The following MRTFA variants were observed in gnomAD, a reference collection of about 807,000 sequenced individuals.
The protein encoded by MRTFA is myocardin-related transcription factor A.
In MRTFA, 20 loss-of-function variants were observed where a neutral mutation model predicts 83.5. The observed-to-expected ratio is 0.24, with a 90% CI of 0.17 to 0.35. The LOEUF (loss-of-function observed/expected upper bound fraction) is 0.35, where lower values mean the gene tolerates loss of function less well. Among genes scored for constraint, MRTFA ranks in the 10% least tolerant of loss-of-function variants. The pLI, the probability that MRTFA is intolerant of heterozygous loss-of-function variation, is 1.00. For synonymous variants in MRTFA, 659 were observed against 541.2 expected, an observed-to-expected ratio of 1.22 and a Z score of -3.02; for missense variants, 1,200 against 1,224.7, an observed-to-expected ratio of 0.98 and a Z score of 0.30.
At chr22:40,587,734 C>A in intron 2 of MRTFA, 1 of 330,266 alleles carries the variant, frequency 3.0e-6, no homozygotes, top group East Asian at 7.9e-5. Flanking sequence ...CAAAAGCACC[C>A]TGGCCAAAAG....
chr22:40,590,024 A>G lies in MRTFA; in HGVS notation c.-22+4650T>C, dbSNP rs1224789050. ...GAGACAGAGCGAGACTCCGTCTCGA[A>G]AAAAAAAAAAAAAAACTTCACATTA... On this transcript the variant is annotated intron_variant, in intron 2 of 14. Transcript: ENST00000355630. Among the ~76,000 whole-genome samples the G allele has an allele frequency of 2.0e-5, 3 of 149,776 alleles. No individual in the cohort carries two copies. In the South Asian group the frequency reaches 6.3e-4, roughly 31 times the overall value.
At chr22:40,579,860 CAA>C (rs199724138) in intron 2 of MRTFA, among the ~76,000 whole-genome samples, 17 of 115,442 alleles carry the variant, frequency 1.5e-4, no homozygotes, top group Admixed American at 2.8e-4. Flanking sequence ...AACTCCATCT[CAA>C]AAAAAAAAAA....
At chr22:40,473,379 G>A (rs1056720455) in intron 3 of MRTFA, among the ~76,000 whole-genome samples, 12 of 152,022 alleles carry the variant, frequency 7.9e-5, no homozygotes, top group African/African-American at 2.9e-4. Context: ...GACTGGTATC[G>A]AACTCCTGGG....
At chr22:40,510,143 T>C (rs2054644250) in intron 3 of MRTFA, among the ~76,000 whole-genome samples, 1 of 152,198 alleles carries the variant, frequency 6.6e-6, no homozygotes, top group African/African-American at 2.4e-5. Flanking sequence ...AGATAGTCTC[T>C]GGAGTACCAA....
intron 1 of MRTFA, among the ~76,000 whole-genome samples, chr22:40,604,898 G>C (rs1362315347): frequency 6.6e-6 from 1 of 152,136 alleles, no homozygotes; most frequent in East Asian, 1.9e-4. Context: ...TGTTGTTGTC[G>C]TTGAATGAAT....
chr22:40,463,990 T>C (rs1359988332), intron 3 of MRTFA, among the ~76,000 whole-genome samples: 1 of 150,420 alleles, frequency 6.6e-6, no homozygotes, highest in Non-Finnish European at 1.5e-5. Flanking sequence ...TTAATAGGGA[T>C]TTTTTTTAAG....
intron 3 of MRTFA, among the ~76,000 whole-genome samples, chr22:40,488,054 AAT>A (rs1323957988): frequency 6.6e-6 from 1 of 152,238 alleles, no homozygotes; most frequent in African/African-American, 2.4e-5. Flanking sequence ...TATAATAGAG[AAT>A]ATGAGAAATG....
intron 1 of MRTFA, among the ~76,000 whole-genome samples, chr22:40,630,611 G>C (rs1246397792): frequency 2.0e-5 from 3 of 152,168 alleles, no homozygotes; most frequent in East Asian, 1.9e-4. Flanking sequence ...CCTCTAAAGA[G>C]TTTATCTAAA....
At chr22:40,545,033 G>GTGTA (rs200787343) in intron 3 of MRTFA, among the ~76,000 whole-genome samples, 2 of 150,876 alleles carry the variant, frequency 1.3e-5, no homozygotes, top group Non-Finnish European at 2.9e-5. Context: ...AAAATCATTG[G>GTGTA]TATATATATA....
chr22:40,461,856 C>T (rs753872017), intron 4 of MRTFA, among the ~76,000 whole-genome samples: 9 of 152,112 alleles, frequency 5.9e-5, no homozygotes, highest in African/African-American at 9.7e-5. Context: ...GTGATAATGC[C>T]CTGGCTCTAG....
At chr22:40,502,095 G>C (rs1489958113) in intron 3 of MRTFA, among the ~76,000 whole-genome samples, 1 of 140,640 alleles carries the variant, frequency 7.1e-6, no homozygotes, top group African/African-American at 2.7e-5. Context: ...TCACTTCCCA[G>C]TAGGGGCGGC....
At chr22:40,600,835 G>A (rs1003329743) in intron 1 of MRTFA, among the ~76,000 whole-genome samples, 6 of 152,100 alleles carry the variant, frequency 3.9e-5, no homozygotes, top group African/African-American at 9.7e-5. Flanking sequence ...AAAATTAGCC[G>A]GCCGTGGTGG....
At chr22:40,542,871 G>A (rs1235891270) in intron 3 of MRTFA, among the ~76,000 whole-genome samples, 1 of 152,206 alleles carries the variant, frequency 6.6e-6, no homozygotes, top group Non-Finnish European at 1.5e-5. Context: ...AAGAACACTA[G>A]AGGGATATAA....
rs564095108 is a variant in MRTFA, at chr22:40,491,114, G to A, written c.242-27828C>T. Among the ~76,000 whole-genome samples, 11 of 152,304 alleles carry A rather than the reference G, an allele frequency of 7.2e-5. No homozygotes were observed. In the South Asian group the frequency reaches 2.1e-3, roughly 29 times the overall value. The stretch of plus-strand genomic sequence containing the variant: ...TCCCAGCACTTTGGGAGGATGAGGC[G>A]GGAGGATCGCTTAAGGCTGGGGTTC... On this transcript the variant is annotated intron_variant, in intron 3 of 14. Coordinates refer to ENST00000355630, the MANE Select transcript of MRTFA (RefSeq NM_020831.6).
intron 3 of MRTFA, among the ~76,000 whole-genome samples, chr22:40,497,968 T>G (rs1182954813): frequency 6.6e-6 from 1 of 151,552 alleles, no homozygotes; most frequent in Non-Finnish European, 1.5e-5. Flanking sequence ...ACTCAGTCTC[T>G]ACAAAAAAAT....
At chr22:40,608,063 C>T (rs558783422) in intron 1 of MRTFA, among the ~76,000 whole-genome samples, 8 of 152,270 alleles carry the variant, frequency 5.3e-5, no homozygotes, top group Non-Finnish European at 1.2e-4. Context: ...CTCACTCTGT[C>T]GCCCAGGCTG....
chr22:40,481,810 C>A (rs1035061492), intron 3 of MRTFA, among the ~76,000 whole-genome samples: 1 of 152,032 alleles, frequency 6.6e-6, no homozygotes, highest in Non-Finnish European at 1.5e-5. Flanking sequence ...CCTGTAATCC[C>A]AGCACTTTGG....
At chr22:40,482,785 T>C (rs2054112357) in intron 3 of MRTFA, among the ~76,000 whole-genome samples, 1 of 152,156 alleles carries the variant, frequency 6.6e-6, no homozygotes, top group Non-Finnish European at 1.5e-5. Context: ...AAACTTGGAA[T>C]AGGGTAGTCA....
At chr22:40,481,481 G>T (rs1319808877) in intron 3 of MRTFA, among the ~76,000 whole-genome samples, 2 of 152,116 alleles carry the variant, frequency 1.3e-5, no homozygotes, top group Non-Finnish European at 2.9e-5. Context: ...ATATGCTCTA[G>T]CAGGGAAAAC....
Sources: gnomAD v4.1 joint callset for allele counts (sites outside exome capture counted in the v4.1 genomes callset) on GRCh38, gnomAD v4.1.1 for gene constraint, MANE v1.5 for transcripts, NCBI Gene and HGNC (gene_info 2026-07-23, HGNC 2026-07-21) for gene names.